Variants in ADGRD1 observed in about 807,000 individuals in gnomAD.
ADGRD1 encodes G-protein coupled receptor 133.
Under a neutral mutation model 113.4 loss-of-function variants are expected in ADGRD1, and 77 were observed. The ratio of observed to expected loss-of-function variants is 0.68; its 90% CI spans 0.57 to 0.82. The LOEUF (loss-of-function observed/expected upper bound fraction) is 0.82. ADGRD1 is among the 40% of genes least tolerant of loss of function. The pLI, the probability that ADGRD1 is intolerant of heterozygous loss-of-function variation, is 0.00. For missense variants in ADGRD1, 1,036 were observed against 1,139.1 expected (o/e 0.91, Z 1.30); for synonymous variants, 474 against 475.0 (o/e 1.00, Z 0.03).
At position 131,003,056 on chromosome 12, in the gene ADGRD1, A is replaced by C; in HGVS notation, c.1027-129A>C. 1.3e-6 allele frequency: 1 copy of C among 783,878 alleles called. No individual in the cohort carries two copies. The highest frequency in any genetic ancestry group is 1.8e-5 in the Admixed American group (1 of 56,330). 48.6% of individuals were successfully genotyped at this position (783,878 alleles called of 1,614,324 possible). On this transcript the variant is annotated intron_variant, in intron 9 of 24. Coordinates refer to ENST00000261654, the MANE Select transcript of ADGRD1 (RefSeq NM_198827.5). The surrounding 1 kb of genome is among the most constrained non-coding windows in gnomAD (Gnocchi z 4.8). ...CCCCTCCTGATCCATGGGAAGGGGC[A>C]GTTGTGTGACTTCTTCCTCCCTCGT...
In ADGRD1 at chr12:130,978,272, C is replaced by T. The variant is rs191589654; in HGVS notation, c.311-3612C>T. The T allele has an allele frequency of 1.4e-4, 21 of 152,110 alleles. No homozygotes were observed. The East Asian group carries it at 4.0e-3, about 29-fold the overall frequency. The allele number at this position is 152,110 out of a possible 1,614,324, so 9.4% of individuals were successfully genotyped here. ...AGTTTGTTACGGTAATTTTTTTTGC[C>T]TTGCAGAATATTATATTTATGCACT... On this transcript the variant is annotated intron_variant, in intron 4 of 24. Transcript: ENST00000261654.
chr12:131,048,656 G>A (rs1010948000), intron 13 of ADGRD1, among the ~76,000 whole-genome samples: 1 of 152,216 alleles, frequency 6.6e-6, no homozygotes, highest in Admixed American at 6.5e-5. Context: ...ATAGGTTGTC[G>A]ATCCAGTAGC....
chr12:131,064,763 C>G (rs1445623144), intron 13 of ADGRD1, among the ~76,000 whole-genome samples: 2 of 152,216 alleles, frequency 1.3e-5, no homozygotes, highest in African/African-American at 4.8e-5. Flanking sequence ...TCAGAGAAAC[C>G]TTAATGTTTT....
At chr12:131,017,195 A>C (rs1230556812) in intron 13 of ADGRD1, among the ~76,000 whole-genome samples, 1 of 152,064 alleles carries the variant, frequency 6.6e-6, no homozygotes, top group African/African-American at 2.4e-5. Context: ...ATGCACACGC[A>C]TACACACACA....
Position 131,134,702 on chromosome 12 carries a change from T to A in ADGRD1, c.2268-1335T>A, listed in dbSNP as rs576939027. ...TGTCAGTGCCAGGCTCTTGGTCTCT[T>A]GACAAGGAAGCTCATTATGGCCGCA... On this transcript the variant is annotated intron_variant, in intron 21 of 24. Transcript: ENST00000261654. 8.5e-5 allele frequency among the ~76,000 whole-genome samples: 13 copies of A among 152,366 alleles called. No individual in the cohort carries two copies. The East Asian group carries it at 2.5e-3, about 29-fold the overall frequency.
rs1030019856 is a variant in ADGRD1 at position 130,984,400 on chromosome 12, C to A, written c.490+2337C>A. 3.3e-5 allele frequency among the ~76,000 whole-genome samples: 5 copies of A among 152,256 alleles called. No homozygotes were observed. The South Asian group carries it at 6.2e-4, about 19-fold the overall frequency. ...GGGAAAGCTCGTTACTGTGCTTACCCGCTCCCTGGCCTCTGCAGACTGGGT... is the reference window on the plus strand; with the variant it reads ...GGGAAAGCTCGTTACTGTGCTTACCAGCTCCCTGGCCTCTGCAGACTGGGT... On this transcript the variant is annotated intron_variant, in intron 5 of 24. Coordinates refer to ENST00000261654, the MANE Select transcript of ADGRD1 (RefSeq NM_198827.5). The surrounding 1 kb of genome is among the most constrained non-coding windows in gnomAD (Gnocchi z 4.1).
intron 15 of ADGRD1, among the ~76,000 whole-genome samples, chr12:131,098,172 A>T (rs1725821): frequency 1.7e-5 from 2 of 120,298 alleles, no homozygotes; most frequent in Admixed American, 9.6e-5. Context: ...CTTCTCCCGC[A>T]GTGGCTGCTG....
chr12:130,965,527 C>A lies in ADGRD1; in HGVS notation c.104-936C>A, dbSNP rs1870909676. On this transcript the variant is annotated intron_variant, in intron 2 of 24. Transcript: ENST00000261654. The surrounding 1 kb of genome is among the most constrained non-coding windows in gnomAD (Gnocchi z 4.8). ...GTGAATGAATCCCAGAGGACTAATC[C>A]CCGAGAAGACTAAAATTGTATGCAT... Among the ~76,000 whole-genome samples, 1 of 151,820 alleles carries A rather than the reference C, an allele frequency of 6.6e-6. No individual in the cohort carries two copies. The highest frequency in any genetic ancestry group is 6.6e-5 in the Admixed American group (1 of 15,226).
At position 131,139,655 on chromosome 12, in the gene ADGRD1, G is replaced by A. The variant is rs1951196208; in HGVS notation, c.*392G>A. 5.6e-6 allele frequency: 1 copy of A among 177,694 alleles called. No individual in the cohort carries two copies. Among genetic ancestry groups the A allele is most frequent in the Non-Finnish European group, 1.2e-5 (1 of 83,166 alleles). The allele number at this position is 177,694 out of a possible 1,614,324, so 11.0% of individuals were successfully genotyped here. On this transcript the variant is annotated 3_prime_UTR_variant, in exon 25 of 25. Coordinates refer to ENST00000261654, the MANE Select transcript of ADGRD1 (RefSeq NM_198827.5). ...GGATGTTCAGCCTCTGTGCCTTGGT[G>A]GGGCTTGGGGACTCAGGGCCAAAGA...
chr12:131,060,361 T>G lies in ADGRD1; in HGVS notation c.1474-16440T>G, dbSNP rs558090550. Among the ~76,000 whole-genome samples, 7 of 152,362 alleles carry G rather than the reference T, an allele frequency of 4.6e-5. No individual in the cohort carries two copies. In the South Asian group the frequency reaches 1.2e-3, roughly 27 times the overall value. On this transcript the variant is annotated intron_variant, in intron 13 of 24. Transcript: ENST00000261654. The surrounding 1 kb of genome is among the most constrained non-coding windows in gnomAD (Gnocchi z 4.4). The stretch of plus-strand genomic sequence containing the variant: ...CTAGGTGGCCCCTTTCCTGGTCCTC[T>G]GTGGTTACTGGACATATCAGATCAA...
intron 14 of ADGRD1, among the ~76,000 whole-genome samples, chr12:131,081,568 T>C (rs1342795271): frequency 6.6e-6 from 1 of 152,180 alleles, no homozygotes; most frequent in Admixed American, 6.5e-5. Flanking sequence ...TAACAATAGG[T>C]TCACACTTCC....
chr12:131,087,980 G>T (rs985484344), intron 15 of ADGRD1, among the ~76,000 whole-genome samples: 1 of 152,220 alleles, frequency 6.6e-6, no homozygotes, highest in Non-Finnish European at 1.5e-5. Flanking sequence ...CGGCCGTGAC[G>T]CCTTCTCTCT....
intron 13 of ADGRD1, among the ~76,000 whole-genome samples, chr12:131,036,380 G>A (rs546544323): frequency 3.4e-5 from 5 of 145,828 alleles, no homozygotes; most frequent in Admixed American, 2.0e-4. Context: ...CTCACTCACT[G>A]CACTGGGTCT....
intron 13 of ADGRD1, among the ~76,000 whole-genome samples, chr12:131,028,367 C>T (rs889924456): frequency 5.9e-5 from 9 of 152,060 alleles, no homozygotes; most frequent in Non-Finnish European, 7.4e-5. Context: ...GTTTGATATA[C>T]GTATTGCAAA....
chr12:131,101,354 A>AT (rs139659633), intron 15 of ADGRD1, among the ~76,000 whole-genome samples: 5,715 of 59,474 alleles, frequency 0.096, 123 homozygotes, highest in African/African-American at 0.13. Flanking sequence ...TCTTTCTTTT[A>AT]TTTTTTTTCT....
At chr12:131,086,604 C>T (rs1472112433) in intron 15 of ADGRD1, among the ~76,000 whole-genome samples, 1 of 152,230 alleles carries the variant, frequency 6.6e-6, no homozygotes. Context: ...ATGGAGATAA[C>T]CTCATCTTTA....
intron 15 of ADGRD1, among the ~76,000 whole-genome samples, chr12:131,089,667 T>A (rs1886770508): frequency 6.6e-6 from 1 of 152,088 alleles, no homozygotes; most frequent in Admixed American, 6.6e-5. Flanking sequence ...GCTCCCTGCC[T>A]ATGGGGGCTC....
intron 8 of ADGRD1, among the ~76,000 whole-genome samples, chr12:130,996,823 C>T (rs1397426238): frequency 4.4e-5 from 5 of 114,408 alleles, no homozygotes; most frequent in South Asian, 2.9e-4. Flanking sequence ...GGCGGCTGGC[C>T]GGGCGGGGGG....
intron 5 of ADGRD1, among the ~76,000 whole-genome samples, chr12:130,983,307 C>T (rs1873244155): frequency 6.6e-6 from 1 of 152,168 alleles, no homozygotes. Context: ...TGTACCTCCA[C>T]CTCTGTAAAG....
Sources: allele counts gnomAD v4.1 joint callset (sites outside exome capture counted in the v4.1 genomes callset), GRCh38; gene constraint gnomAD v4.1.1; non-coding constraint Gnocchi (gnomAD v3.1); transcripts MANE v1.5; gene names NCBI Gene and HGNC (gene_info 2026-07-23, HGNC 2026-07-21).